CENPO: variants seen among roughly 807,000 people sequenced by gnomAD.
CENPO encodes the protein centromeric protein O.
A neutral mutation model predicts 36.1 loss-of-function variants in CENPO; 30 were observed. That is an observed-to-expected ratio of 0.83 (90% confidence interval 0.62 to 1.13). The LOEUF (loss-of-function observed/expected upper bound fraction) is 1.13. CENPO is among the 50% of genes most tolerant of loss of function. CENPO has a pLI of 0.00. For missense variants in CENPO, 349 were observed against 357.8 expected, an observed-to-expected ratio of 0.98 and a Z score of 0.20; for synonymous variants, 171 against 142.3, an observed-to-expected ratio of 1.20 and a Z score of -1.44.
chr2:24,815,393 C>A (rs1204316828), intron 4 of CENPO, 104 bp from the exon 5 acceptor site: 3 of 833,508 alleles, frequency 3.6e-6, no homozygotes, highest in Non-Finnish European at 6.0e-6. Context: ...CATTTGTGTA[C>A]AAAGTGTACA....
chr2:24,820,353 G>A lies in CENPO; in HGVS notation c.*1035G>A, dbSNP rs1387223056. Reference sequence around the variant, plus strand: ...ATCCAGAGACTTCTCTCCTAGGATGGCCATGGTCACCTGGGTGGCAGCACT... The same window carrying A: ...ATCCAGAGACTTCTCTCCTAGGATGACCATGGTCACCTGGGTGGCAGCACT... On this transcript the variant is annotated 3_prime_UTR_variant, in exon 8 of 8. Coordinates refer to ENST00000380834, the MANE Select transcript of CENPO (RefSeq NM_001322101.2). 6.0e-6 allele frequency: 8 copies of A among 1,327,484 alleles called. No individual in the cohort carries two copies. The highest frequency in any genetic ancestry group is 2.8e-4 in the Middle Eastern group (1 of 3,576). 82.2% of individuals were successfully genotyped at this position (1,327,484 alleles called of 1,614,324 possible).
At chr2:24,803,999 G>A (rs1251240666) in intron 3 of CENPO, among the ~76,000 whole-genome samples, 2 of 152,168 alleles carry the variant, frequency 1.3e-5, no homozygotes, top group Non-Finnish European at 2.9e-5. Flanking sequence ...CTTGCTTTAT[G>A]AGTCTGGGTG....
At position 24,820,395 on chromosome 2, in the gene CENPO, C is replaced by T. The variant is rs1486984464; in HGVS notation, c.*1077C>T. On this transcript the variant is annotated 3_prime_UTR_variant, in exon 8 of 8. Transcript: ENST00000380834. ...GGCAGCACTGTTACCTGGAAACTGCCACTGCCTGCTCTTCTGTCCCTTTGC... is the reference window on the plus strand; with the variant it reads ...GGCAGCACTGTTACCTGGAAACTGCTACTGCCTGCTCTTCTGTCCCTTTGC... 3.0e-6 allele frequency: 4 copies of T among 1,313,700 alleles called. No individual in the cohort carries two copies. The highest frequency in any genetic ancestry group is 3.9e-6 in the Non-Finnish European group (4 of 1,035,094). 81.4% of individuals were successfully genotyped at this position (1,313,700 alleles called of 1,614,324 possible). A position where few individuals can be genotyped will look rare whatever the true frequency, so the allele number is the denominator to read the frequency against.
At chr2:24,797,121 C>A (rs1025859964) in intron 2 of CENPO, among the ~76,000 whole-genome samples, 2 of 152,206 alleles carry the variant, frequency 1.3e-5, no homozygotes, top group Non-Finnish European at 2.9e-5. Flanking sequence ...GTAGCTTGAA[C>A]TACAATGGTG....
At position 24,821,629 on chromosome 2, in the gene CENPO, G is replaced by A. The variant is rs755247497; in HGVS notation, c.*2311G>A. 3.4e-5 allele frequency: 55 copies of A among 1,613,882 alleles called. No individual in the cohort carries two copies. Among genetic ancestry groups the A allele is most frequent in the South Asian group, 7.7e-5 (7 of 91,084 alleles). On this transcript the variant is annotated 3_prime_UTR_variant, in exon 8 of 8. Transcript: ENST00000380834. ...CCAGGTGCTGCCAGCGCTCTCTCTC[G>A]GACTTGTCTTCCTGTGCCAGGGGAC...
In CENPO at chr2:24,817,717, G is replaced by GA. The variant is rs1169849286; in HGVS notation, c.817dup (p.Thr273AsnfsTer43). ...ATGGGAGGAGCAACGAGCATCTCAT[G>GA]AAACTCTGTTCTGTACGAAGCCCTT... On this transcript the variant is annotated frameshift_variant, in exon 7 of 8. Coordinates refer to ENST00000380834, the MANE Select transcript of CENPO (RefSeq NM_001322101.2). LOFTEE classifies it high-confidence loss of function. The GA allele has an allele frequency of 6.2e-7, 1 of 1,614,136 alleles. No homozygotes were observed. The highest frequency in any genetic ancestry group is 8.5e-7 in the Non-Finnish European group (1 of 1,180,054).
At chr2:24,797,352 T>C (rs1439097255) in intron 2 of CENPO, among the ~76,000 whole-genome samples, 1 of 152,152 alleles carries the variant, frequency 6.6e-6, no homozygotes, top group African/African-American at 2.4e-5. Flanking sequence ...CCTGTAAGTC[T>C]TCCAAGTAGA....
rs1470352269 is a variant in CENPO at position 24,793,447 on chromosome 2, C to T, written c.-123C>T. ...GGCAGGATCGCAAAGCACGCCGGGACCGGTTGGTTTGGTTTTGAAGACGTG... is the reference window on the plus strand; with the variant it reads ...GGCAGGATCGCAAAGCACGCCGGGATCGGTTGGTTTGGTTTTGAAGACGTG... On this transcript the variant is annotated 5_prime_UTR_variant, in exon 1 of 8. Coordinates refer to ENST00000380834, the MANE Select transcript of CENPO (RefSeq NM_001322101.2). 1.2e-6 allele frequency: 2 copies of T among 1,605,858 alleles called. No individual in the cohort carries two copies. Among genetic ancestry groups the T allele is most frequent in the Non-Finnish European group, 1.7e-6 (2 of 1,175,810 alleles).
intron 4 of CENPO, 52 bp downstream of exon 4, chr2:24,814,545 T>G (rs754407253): frequency 1.9e-5 from 16 of 835,264 alleles, no homozygotes; most frequent in Admixed American, 6.8e-5. Context: ...TCTAGTGAGT[T>G]AGTTTGCTAG....
chr2:24,811,372 C>T (rs1666679016), intron 3 of CENPO, among the ~76,000 whole-genome samples: 1 of 150,790 alleles, frequency 6.6e-6, no homozygotes, highest in Non-Finnish European at 1.5e-5. Flanking sequence ...ACCTCCGCCT[C>T]CTGATTCAAG....
rs537265964 is a variant in CENPO at position 24,799,536 on chromosome 2, C to T, written c.47-139C>T. On this transcript the variant is annotated intron_variant, in intron 2 of 7. Transcript: ENST00000380834. Reference sequence around the variant, plus strand: ...TAGCTCCCCTGGTTTTATAAATTGACAGATATCTAACAATTCAGCTGGCCA... The same window carrying T: ...TAGCTCCCCTGGTTTTATAAATTGATAGATATCTAACAATTCAGCTGGCCA... 6 of 666,728 alleles carry T rather than the reference C, an allele frequency of 9.0e-6. No individual in the cohort carries two copies. The African/African-American group carries it at 1.1e-4, about 12-fold the overall frequency. The allele number at this position is 666,728 out of a possible 1,614,324, so 41.3% of individuals were successfully genotyped here. A position where few individuals can be genotyped will look rare whatever the true frequency, so the allele number is the denominator to read the frequency against.
At position 24,794,521 on chromosome 2, in the gene CENPO, A is replaced by G. The variant is rs568275125; in HGVS notation, c.46+556A>G. ...ACTTTTCAAGTGAAGCATTTAGCACATGTCTAATATATAGGAAATATTCAA... is the reference window on the plus strand; with the variant it reads ...ACTTTTCAAGTGAAGCATTTAGCACGTGTCTAATATATAGGAAATATTCAA... On this transcript the variant is annotated intron_variant, in intron 2 of 7. Transcript: ENST00000380834. Among the ~76,000 whole-genome samples, 9 of 152,378 alleles carry G rather than the reference A, an allele frequency of 5.9e-5. No individual in the cohort carries two copies. The South Asian group carries it at 1.9e-3, about 32-fold the overall frequency.
intron 3 of CENPO, among the ~76,000 whole-genome samples, chr2:24,809,516 T>G (rs114977478): frequency 0.02 from 3,019 of 152,190 alleles, 102 homozygotes; most frequent in African/African-American, 0.069. Context: ...AAGTTTTTCT[T>G]TTTCTTTTTC....
chr2:24,822,328 G>A lies in CENPO; in HGVS notation c.*3010G>A. 1.2e-6 allele frequency: 1 copy of A among 848,394 alleles called. No individual in the cohort carries two copies. Among genetic ancestry groups the A allele is most frequent in the Non-Finnish European group, 1.8e-6 (1 of 558,748 alleles). The allele number at this position is 848,394 out of a possible 1,614,324, so 52.6% of individuals were successfully genotyped here. On this transcript the variant is annotated 3_prime_UTR_variant, in exon 8 of 8. Transcript: ENST00000380834. ...CAGCAGGGGGTTGTGTGTCTGTTCT[G>A]TTTCTCTGCTTGCCGAACTTTCTCA...
At chr2:24,814,276 T>C in intron 3 of CENPO, 100 bp from the exon 4 acceptor site, 1 of 734,018 alleles carries the variant, frequency 1.4e-6, no homozygotes. Context: ...TGATGTATTA[T>C]ATCATGTGCC....
rs563214694 is a variant in CENPO at position 24,793,934 on chromosome 2, C to T, written c.15C>T (p.Asn5=). MEQA[N]PLRPDGESKG... is the part of the protein sequence containing the mutation. ...GGGAATCTGAGATGGAGCAGGCGAACCCTTTACGTCCAGATGGCGAGTCCA... is the reference window on the plus strand; with the variant it reads ...GGGAATCTGAGATGGAGCAGGCGAATCCTTTACGTCCAGATGGCGAGTCCA... The change falls in exon 2 of 8, where the codon AAC becomes AAT. Residue 5 remains asparagine (N), a synonymous_variant. Coordinates refer to ENST00000380834, the MANE Select transcript of CENPO (RefSeq NM_001322101.2). 8.1e-6 allele frequency: 13 copies of T among 1,614,154 alleles called. No individual in the cohort carries two copies. Among genetic ancestry groups the T allele is most frequent in the Non-Finnish European group, 1.0e-5 (12 of 1,179,996 alleles).
At chr2:24,806,144 G>C (rs970837504) in intron 3 of CENPO, among the ~76,000 whole-genome samples, 15 of 152,240 alleles carry the variant, frequency 9.9e-5, no homozygotes, top group Admixed American at 3.9e-4. Flanking sequence ...ATAATCTCCT[G>C]GTGTGCCGTT....
chr2:24,818,354 TGAA>T (rs1384666624), intron 7 of CENPO, among the ~76,000 whole-genome samples: 2 of 152,096 alleles, frequency 1.3e-5, no homozygotes, highest in Non-Finnish European at 2.9e-5. Flanking sequence ...CATTCACTAA[TGAA>T]GATAATAAGG....
chr2:24,795,647 A>G (rs1216647484), intron 2 of CENPO, among the ~76,000 whole-genome samples: 2 of 152,214 alleles, frequency 1.3e-5, no homozygotes, highest in Non-Finnish European at 2.9e-5. Context: ...CTTTGGGAAT[A>G]TTGATATCTA....
Sources: gnomAD v4.1 joint callset for allele counts (sites outside exome capture counted in the v4.1 genomes callset) on GRCh38, gnomAD v4.1.1 for gene constraint, MANE v1.5 for transcripts, NCBI Gene and HGNC (gene_info 2026-07-23, HGNC 2026-07-21) for gene names.